The following PPARG variants were observed in gnomAD, a reference collection of about 807,000 sequenced individuals.
PPARG encodes the protein peroxisome proliferator activated receptor gamma.
Under a neutral mutation model 39.2 loss-of-function variants are expected in PPARG, and 17 were observed. That is an observed-to-expected ratio of 0.43 (90% CI 0.30 to 0.65). PPARG has a LOEUF of 0.65. Ranked by LOEUF, PPARG falls within the 30% of genes least tolerant of loss-of-function variation. PPARG has a pLI of 0.13. For missense variants in PPARG, 406 were observed against 585.9 expected, an observed-to-expected ratio of 0.69 and a Z score of 3.17; for synonymous variants, 223 against 215.7, an observed-to-expected ratio of 1.03 and a Z score of -0.30.
chr3:12,373,720 T>C (rs553442193), intron 2 of PPARG, among the ~76,000 whole-genome samples: 12 of 152,302 alleles, frequency 7.9e-5, no homozygotes, highest in Admixed American at 2.0e-4. Context: ...TAAGATGCTG[T>C]CCTTTTACTC....
Position 12,308,669 on chromosome 3 carries a change from A to G in PPARG, c.-82-3711A>G, listed in dbSNP as rs184835743. Reference sequence around the variant, plus strand: ...ATCTGAGTAGTGGAAATACACTGTAATATTTGTGCTGCTTTTAAATCAGTC... The same window carrying G: ...ATCTGAGTAGTGGAAATACACTGTAGTATTTGTGCTGCTTTTAAATCAGTC... On this transcript the variant is annotated intron_variant, in intron 1 of 7. Transcript: ENST00000651735. 4.6e-5 allele frequency among the ~76,000 whole-genome samples: 7 copies of G among 152,330 alleles called. No homozygotes were observed. In the East Asian group the frequency reaches 1.4e-3, roughly 29 times the overall value.
chr3:12,417,901 CCTTTTTTTTTTT>C (rs2051130224), intron 7 of PPARG, among the ~76,000 whole-genome samples: 3 of 46,156 alleles, frequency 6.5e-5, no homozygotes, highest in East Asian at 1.0e-3. Context: ...TTTTTTTTTT[CCTTTTTTTTTTT>C]TTTTTTTTTT....
intron 2 of PPARG, among the ~76,000 whole-genome samples, chr3:12,345,630 A>C (rs2048303773): frequency 6.6e-6 from 1 of 152,134 alleles, no homozygotes; most frequent in African/African-American, 2.4e-5. Flanking sequence ...TTCCTCTGGA[A>C]CCCATTTTCC....
chr3:12,424,230 G>A lies in PPARG; in HGVS notation c.1180+7076G>A, dbSNP rs536607998. Among the ~76,000 whole-genome samples, 10 of 152,316 alleles carry A rather than the reference G, an allele frequency of 6.6e-5. No individual in the cohort carries two copies. The South Asian group carries it at 2.1e-3, about 32-fold the overall frequency. On this transcript the variant is annotated intron_variant, in intron 7 of 7. Coordinates refer to ENST00000651735, the MANE Select transcript of PPARG (RefSeq NM_138711.6). ...GGGGATAGAATGATGGGGAGGAGAT[G>A]AAACATCCTAGAATCATCTGATATA...
chr3:12,400,553 G>A (rs957217034), intron 5 of PPARG, among the ~76,000 whole-genome samples: 8 of 152,192 alleles, frequency 5.3e-5, no homozygotes, highest in Non-Finnish European at 8.8e-5. Flanking sequence ...CTCTGATATG[G>A]ATAATTTTTT....
At chr3:12,383,312 C>G (rs901327050) in intron 4 of PPARG, among the ~76,000 whole-genome samples, 5 of 152,248 alleles carry the variant, frequency 3.3e-5, no homozygotes, top group Middle Eastern at 6.8e-3. Context: ...TAATTTAAAC[C>G]AAGTTAAAAT....
intron 1 of PPARG, among the ~76,000 whole-genome samples, chr3:12,299,082 G>C (rs1018997379): frequency 6.6e-6 from 1 of 152,122 alleles, no homozygotes; most frequent in African/African-American, 2.4e-5. Context: ...CAGTCCTCTG[G>C]CCTCTGCCTC....
At chr3:12,293,206 AT>A in intron 1 of PPARG, among the ~76,000 whole-genome samples, 1 of 152,284 alleles carries the variant, frequency 6.6e-6, no homozygotes, top group Middle Eastern at 3.4e-3. Flanking sequence ...TTAAGTGGAG[AT>A]TTTAAACCCT....
At chr3:12,314,515 T>G (rs1332480879) in intron 2 of PPARG, among the ~76,000 whole-genome samples, 1 of 152,178 alleles carries the variant, frequency 6.6e-6, no homozygotes, top group Non-Finnish European at 1.5e-5. Flanking sequence ...AAAGGACAGA[T>G]CATGCCTTTC....
chr3:12,377,481 A>G (rs972475019), intron 2 of PPARG, among the ~76,000 whole-genome samples: 1 of 152,186 alleles, frequency 6.6e-6, no homozygotes, highest in African/African-American at 2.4e-5. Flanking sequence ...GTAATTTTTC[A>G]TAGTACAGAA....
intron 2 of PPARG, among the ~76,000 whole-genome samples, chr3:12,326,513 C>G (rs2047698840): frequency 6.6e-6 from 1 of 152,152 alleles, no homozygotes; most frequent in South Asian, 2.1e-4. Context: ...ATGCTACTTT[C>G]CAGAATATTA....
intron 2 of PPARG, among the ~76,000 whole-genome samples, chr3:12,368,201 A>ATGG (rs2049085072): frequency 1.6e-5 from 1 of 61,948 alleles, no homozygotes; most frequent in Non-Finnish European, 4.2e-5. Context: ...TTTTTTTTTC[A>ATGG]GACAGTGTCT....
chr3:12,323,417 AAG>A (rs2125026516), intron 2 of PPARG, among the ~76,000 whole-genome samples: 1 of 152,238 alleles, frequency 6.6e-6, no homozygotes, highest in Admixed American at 6.5e-5. Context: ...TGGAGTTTAA[AAG>A]AGGAAGTTGA....
At chr3:12,344,139 G>A (rs941769278) in intron 2 of PPARG, among the ~76,000 whole-genome samples, 3 of 152,100 alleles carry the variant, frequency 2.0e-5, no homozygotes, top group Non-Finnish European at 4.4e-5. Context: ...GGGATTACAG[G>A]TGTGAGCCAC....
intron 1 of PPARG, among the ~76,000 whole-genome samples, chr3:12,289,463 C>T (rs2046595855): frequency 2.0e-5 from 3 of 152,100 alleles, no homozygotes. Context: ...TTGTATAATA[C>T]CTATTCCTGG....
chr3:12,422,788 A>C (rs1470592572), intron 7 of PPARG, among the ~76,000 whole-genome samples: 2 of 151,998 alleles, frequency 1.3e-5, no homozygotes, highest in Non-Finnish European at 2.9e-5. Flanking sequence ...AGGCTGAGGC[A>C]GGAGGATTGC....
Position 12,434,287 on chromosome 3 carries a change from GT to G in PPARG, c.*145del. 9.5e-7 allele frequency: 1 copy of G among 1,053,380 alleles called. No individual in the cohort carries two copies. The highest frequency in any genetic ancestry group is 2.6e-5 in the East Asian group (1 of 38,448). The allele number at this position is 1,053,380 out of a possible 1,614,324, so 65.3% of individuals were successfully genotyped here. A position where few individuals can be genotyped will look rare whatever the true frequency, so the allele number is the denominator to read the frequency against. On this transcript the variant is annotated 3_prime_UTR_variant, in exon 8 of 8. Coordinates refer to ENST00000651735, the MANE Select transcript of PPARG (RefSeq NM_138711.6). The surrounding 1 kb of genome is among the most constrained non-coding windows in gnomAD (Gnocchi z 4.2). ...GAATATGATCTATTTTATGCATATT[GT>G]TTATAAAGACACATTTACAATTTAC...
At chr3:12,433,537 C>CAAA (rs11451254) in intron 7 of PPARG, among the ~76,000 whole-genome samples, 3 of 98,808 alleles carry the variant, frequency 3.0e-5, no homozygotes, top group Non-Finnish European at 4.4e-5. Context: ...GACTCCATCT[C>CAAA]AAAAAAAAAA....
chr3:12,403,443 G>A (rs1272088700), intron 5 of PPARG, among the ~76,000 whole-genome samples: 2 of 151,976 alleles, frequency 1.3e-5, no homozygotes, highest in African/African-American at 2.4e-5. Context: ...TCAAACTCCT[G>A]GGCTCAAGGG....
Sources: gnomAD v4.1 joint callset for allele counts (sites outside exome capture counted in the v4.1 genomes callset) on GRCh38, gnomAD v4.1.1 for gene constraint, Gnocchi (gnomAD v3.1) non-coding constraint, MANE v1.5 for transcripts, NCBI Gene and HGNC (gene_info 2026-07-23, HGNC 2026-07-21) for gene names.